The following GIT1 variants were observed in gnomAD, a reference collection of about 807,000 sequenced individuals.
GIT1 encodes ARF GTPase-activating protein GIT1.
GIT1 carries 14 observed loss-of-function variants against 91.7 expected under a neutral mutation model. That is an observed-to-expected ratio of 0.15 (90% CI 0.10 to 0.24). GIT1 has a LOEUF of 0.24. Ranked by LOEUF, GIT1 falls within the 10% of genes least tolerant of loss-of-function variation. GIT1 has a pLI of 1.00. For missense variants in GIT1, 717 were observed against 1,024.9 expected (o/e 0.70, Z 4.10); for synonymous variants, 414 against 418.2 (o/e 0.99, Z 0.12).
In GIT1 at chr17:29,574,647, C is replaced by T. The variant is rs1820470027; in HGVS notation, c.*55G>A. The T allele has an allele frequency of 1.4e-6, 2 of 1,379,738 alleles. No homozygotes were observed. The highest frequency in any genetic ancestry group is 1.7e-5 in the Admixed American group (1 of 59,174). 85.5% of individuals were successfully genotyped at this position (1,379,738 alleles called of 1,614,324 possible). A position where few individuals can be genotyped will look rare whatever the true frequency, so the allele number is the denominator to read the frequency against. ...GTGGGGATTAATGTCTGGAGTGGCCCAGCTCCTATGGCCAGTGAGGTCCTA... is the reference window on the plus strand; with the variant it reads ...GTGGGGATTAATGTCTGGAGTGGCCTAGCTCCTATGGCCAGTGAGGTCCTA... On this transcript the variant is annotated 3_prime_UTR_variant, in exon 20 of 20. Transcript: ENST00000225394.
rs1489507802 is a variant in GIT1 at position 29,581,823 on chromosome 17, G to A, written c.637C>T (p.His213Tyr). The A allele has an allele frequency of 2.5e-6, 4 of 1,612,590 alleles. No homozygotes were observed. Among genetic ancestry groups the A allele is most frequent in the Non-Finnish European group, 3.4e-6 (4 of 1,179,912 alleles). ...TCAACCAGCCTTTCCGCCAGCTCAT[G>A]GTGCCCCGCCTGCCTGTGAGGAGGG... ...PIDYARQAGHHELAERLVECQ... is the reference protein window; with the variant it reads ...PIDYARQAGHYELAERLVECQ... The change falls in exon 6 of 20, where the codon CAT becomes TAT. Residue 213 changes from histidine (H) to tyrosine (Y), a missense_variant. Coordinates refer to ENST00000225394, the MANE Select transcript of GIT1 (RefSeq NM_014030.4). This position sits in a 1 kb window ranked among gnomAD's most constrained non-coding sequence, Gnocchi z 4.8.
rs1411951014 is a variant in GIT1 at position 29,582,785 on chromosome 17, G to A, written c.318C>T (p.Phe106=). ...QDKVHPIKSE[F]IRAKYQMLAF... ...CCAGCATCTGGTACTTGGCCCTGAT[G>A]AACTCTGACTTGATGGGGCTGCATG... The change falls in exon 4 of 20, where the codon TTC becomes TTT. Residue 106 remains phenylalanine, a synonymous_variant. Transcript: ENST00000225394. 2 of 1,613,274 alleles carry A rather than the reference G, an allele frequency of 1.2e-6. No homozygotes were observed. The highest frequency in any genetic ancestry group is 1.1e-5 in the South Asian group (1 of 91,080).
chr17:29,579,281 T>TA, intron 7 of GIT1: 1 of 480,328 alleles, frequency 2.1e-6, no homozygotes, highest in Non-Finnish European at 3.7e-6. Flanking sequence ...AATCACCTGT[T>TA]GCCTGGGCTT....
intron 1 of GIT1, among the ~76,000 whole-genome samples, chr17:29,585,574 TCTC>T (rs1384467746): frequency 6.6e-6 from 1 of 152,018 alleles, no homozygotes; most frequent in African/African-American, 2.4e-5. Context: ...GGGGAGGGGT[TCTC>T]CTTCTCCTCC....
chr17:29,574,547 G>C lies in GIT1; in HGVS notation c.*155C>G, dbSNP rs756793889. On this transcript the variant is annotated 3_prime_UTR_variant, in exon 20 of 20. Coordinates refer to ENST00000225394, the MANE Select transcript of GIT1 (RefSeq NM_014030.4). Reference sequence around the variant, plus strand: ...CTCCCCATCCTTAGGGGCTCGACAGGGGTGGGCACCAGGGCACCTGGCTGC... The same window carrying C: ...CTCCCCATCCTTAGGGGCTCGACAGCGGTGGGCACCAGGGCACCTGGCTGC... 13 of 715,308 alleles carry C rather than the reference G, an allele frequency of 1.8e-5. No individual in the cohort carries two copies. Among genetic ancestry groups the C allele is most frequent in the Admixed American group, 8.0e-5 (4 of 49,924 alleles). 44.3% of individuals were successfully genotyped at this position (715,308 alleles called of 1,614,324 possible). A position where few individuals can be genotyped will look rare whatever the true frequency, so the allele number is the denominator to read the frequency against.
At chr17:29,582,854 A>G (rs1202918900) in intron 3 of GIT1, 51 bp from the exon 4 acceptor site, 1 of 1,552,374 alleles carries the variant, frequency 6.4e-7, no homozygotes, top group Non-Finnish European at 8.9e-7. Context: ...GAGGGTGGTC[A>G]CCTTGCCACC....
Position 29,581,669 on chromosome 17 carries a change from G to A in GIT1, c.718+73C>T. ...TCTGTCACCATGGCACCTGCTGCCG[G>A]GTGCGTCCAGGTCCCACCTGCCCAG... is the stretch of plus-strand genomic sequence containing the variant. On this transcript the variant is annotated intron_variant, in intron 6 of 19. Transcript: ENST00000225394. This position sits in a 1 kb window ranked among gnomAD's most constrained non-coding sequence, Gnocchi z 4.8. The A allele has an allele frequency of 8.7e-7, 1 of 1,151,830 alleles. No homozygotes were observed. The highest frequency in any genetic ancestry group is 1.7e-5 in the Admixed American group (1 of 58,266). 71.4% of individuals were successfully genotyped at this position (1,151,830 alleles called of 1,614,324 possible).
rs544781634 is a variant in GIT1, at chr17:29,584,613, G to A, written c.53-997C>T. Among the ~76,000 whole-genome samples the A allele has an allele frequency of 5.3e-5, 8 of 152,314 alleles. No individual in the cohort carries two copies. The East Asian group carries it at 1.2e-3, about 22-fold the overall frequency. The stretch of plus-strand genomic sequence containing the variant: ...TGCCGCCTGAGAGTGGGGGCAGGGC[G>A]CCTCTCTCCCAGGACACTTTGCTCT... On this transcript the variant is annotated intron_variant, in intron 1 of 19. Coordinates refer to ENST00000225394, the MANE Select transcript of GIT1 (RefSeq NM_014030.4).
intron 19 of GIT1, 79 bp downstream of exon 19, chr17:29,575,000 G>C: frequency 1.4e-6 from 2 of 1,474,276 alleles, no homozygotes; most frequent in Non-Finnish European, 1.9e-6. Flanking sequence ...CTCCACCCAG[G>C]TAGCGATCAG....
At chr17:29,582,167 T>C in intron 4 of GIT1, 23 bp from the exon 5 acceptor site, 1 of 1,503,858 alleles carries the variant, frequency 6.6e-7, no homozygotes. Context: ...GAGTGTGCAG[T>C]GAATACGCAT....
intron 14 of GIT1, 21 bp downstream of exon 14, chr17:29,576,199 T>C (rs2033191794): frequency 6.2e-7 from 1 of 1,605,566 alleles, no homozygotes; most frequent in Non-Finnish European, 8.5e-7. Context: ...CCCCACACCT[T>C]GAGACCCATA....
In GIT1 at chr17:29,576,372, G is replaced by C; in HGVS notation, c.1459C>G (p.Arg487Gly). Reference protein sequence around the residue: ...PVPTPPLPSERAEHTPMAPGG... With the variant: ...PVPTPPLPSEGAEHTPMAPGG... ...GGCGCCATGGGTGTGTGTTCCGCCC[G>C]TTCACTGGGGAGTGGAGGTGTGGGC... The change falls in exon 14 of 20, where the codon CGG (arginine) becomes GGG (glycine). Residue 487 changes from arginine to glycine, a missense_variant. Around this residue, in one of 3 missense-constraint regions of GIT1, gnomAD observed 312 missense variants for 349.5 expected, o/e 0.89. Transcript: ENST00000225394. 2 of 1,613,470 alleles carry C rather than the reference G, an allele frequency of 1.2e-6. No individual in the cohort carries two copies. The highest frequency in any genetic ancestry group is 1.3e-5 in the African/African-American group (1 of 75,060).
chr17:29,580,536 T>C (rs914234313), intron 7 of GIT1, among the ~76,000 whole-genome samples: 6 of 151,798 alleles, frequency 4.0e-5, no homozygotes, highest in African/African-American at 1.5e-4. Context: ...TGGCAGGGGG[T>C]GTCCCACACT....
rs1335642923 is a variant in GIT1 at position 29,574,923 on chromosome 17, G to A, written c.2074-9C>T. 21 of 1,552,426 alleles carry A rather than the reference G, an allele frequency of 1.4e-5. No individual in the cohort carries two copies. Among genetic ancestry groups the A allele is most frequent in the Non-Finnish European group, 1.7e-5 (20 of 1,148,822 alleles). On this transcript the variant is annotated splice_polypyrimidine_tract_variant and intron_variant, in intron 19 of 19. Coordinates refer to ENST00000225394, the MANE Select transcript of GIT1 (RefSeq NM_014030.4). ...GGCTCCAGGGCTGGCCTCTGGAGGGGGCAGGAGTGAGGCTGGACCTTGGAC... is the reference window on the plus strand; with the variant it reads ...GGCTCCAGGGCTGGCCTCTGGAGGGAGCAGGAGTGAGGCTGGACCTTGGAC...
rs41274276 is a variant in GIT1 at position 29,574,310 on chromosome 17, A to G, written c.*392T>C. On this transcript the variant is annotated 3_prime_UTR_variant, in exon 20 of 20. Coordinates refer to ENST00000225394, the MANE Select transcript of GIT1 (RefSeq NM_014030.4). The stretch of plus-strand genomic sequence containing the variant: ...GAGGGGATGCCCCCGCTCAGCCCCC[A>G]GTAGGGCTGAACTGGCTCATGGGGG... 1.9e-5 allele frequency: 5 copies of G among 257,148 alleles called. No individual in the cohort carries two copies. Among genetic ancestry groups the G allele is most frequent in the South Asian group, 4.7e-5 (1 of 21,408 alleles). The allele number at this position is 257,148 out of a possible 1,614,324, so 15.9% of individuals were successfully genotyped here.
Position 29,577,197 on chromosome 17 carries a change from G to C in GIT1, c.1032C>G (p.Ile344Met), listed in dbSNP as rs776741777. 1 of 1,613,976 alleles carries C rather than the reference G, an allele frequency of 6.2e-7. No homozygotes were observed. Among genetic ancestry groups the C allele is most frequent in the Non-Finnish European group, 8.5e-7 (1 of 1,180,016 alleles). The part of the protein sequence containing the change: ...RFNAREFATL[I>M]IDILSEAKRR... ...GCTTGGCCTCACTGAGAATGTCGATGATCAAGGTGGCAAACTCTCGGGCAT... is the reference window on the plus strand; with the variant it reads ...GCTTGGCCTCACTGAGAATGTCGATCATCAAGGTGGCAAACTCTCGGGCAT... Residue 344 changes from isoleucine (I) to methionine (M), a missense_variant, in exon 11 of 20, where the codon ATC becomes ATG. Ile to Met is a conservative substitution (Grantham distance 10, BLOSUM62 1). Around this residue, in one of 3 missense-constraint regions of GIT1, gnomAD observed 312 missense variants for 349.5 expected, o/e 0.89. Coordinates refer to ENST00000225394, the MANE Select transcript of GIT1 (RefSeq NM_014030.4).
chr17:29,584,589 G>A (rs774708331), intron 1 of GIT1, among the ~76,000 whole-genome samples: 3 of 152,208 alleles, frequency 2.0e-5, no homozygotes, highest in Non-Finnish European at 4.4e-5. Flanking sequence ...GCCATTGTGT[G>A]CCGCCTGAGA....
chr17:29,575,183 G>A lies in GIT1; in HGVS notation c.2010-41C>T. ...AGGCTATAAAGCAGGGGGCTCTCAA[G>A]GGAGGTTCCCAGGGACAGCAGAACC... On this transcript the variant is annotated intron_variant, in intron 18 of 19. Transcript: ENST00000225394. This position sits in a 1 kb window ranked among gnomAD's most constrained non-coding sequence, Gnocchi z 5.5. 6.4e-7 allele frequency: 1 copy of A among 1,569,118 alleles called. No homozygotes were observed. Among genetic ancestry groups the A allele is most frequent in the Non-Finnish European group, 8.7e-7 (1 of 1,150,834 alleles).
intron 8 of GIT1, 128 bp downstream of exon 8, chr17:29,578,603 C>T: frequency 1.1e-6 from 1 of 921,208 alleles, no homozygotes; most frequent in Non-Finnish European, 1.8e-6. Context: ...ACTGCTGAGG[C>T]CAGTGAGGGG....
Sources: allele counts gnomAD v4.1 joint callset (sites outside exome capture counted in the v4.1 genomes callset), GRCh38; gene constraint gnomAD v4.1.1; regional missense constraint gnomAD v4.1.1; non-coding constraint Gnocchi (gnomAD v3.1); transcripts MANE v1.5; gene names NCBI Gene and HGNC (gene_info 2026-07-23, HGNC 2026-07-21).